The following ARHGAP10 variants were observed in gnomAD, a reference collection of about 807,000 sequenced individuals.
ARHGAP10 encodes the protein Rho GTPase activating protein 10.
ARHGAP10 carries 87 observed loss-of-function variants against 108.6 expected under a neutral mutation model. That is an observed-to-expected ratio of 0.80 (90% CI 0.67 to 0.96). ARHGAP10 has a LOEUF of 0.96. ARHGAP10 is among the 40% of genes least tolerant of loss of function. ARHGAP10 has a pLI of 0.00. For missense variants in ARHGAP10, 939 were observed against 954.5 expected (o/e 0.98, Z 0.21); for synonymous variants, 347 against 341.1 (o/e 1.02, Z -0.19).
At chr4:147,807,361 T>G (rs906027776) in intron 1 of ARHGAP10, among the ~76,000 whole-genome samples, 5 of 151,946 alleles carry the variant, frequency 3.3e-5, no homozygotes, top group Admixed American at 2.0e-4. Flanking sequence ...TATTAGGTAA[T>G]AAAAAGTATG....
intron 3 of ARHGAP10, among the ~76,000 whole-genome samples, chr4:147,844,213 A>G (rs1733538564): frequency 6.6e-6 from 1 of 152,136 alleles, no homozygotes. Flanking sequence ...ATTTGTGAGT[A>G]CATAATAGGT....
In ARHGAP10 at chr4:147,906,739, G is replaced by A. The variant is rs1044272220; in HGVS notation, c.1116+20G>A. 7 of 1,613,414 alleles carry A rather than the reference G, an allele frequency of 4.3e-6. No homozygotes were observed. The highest frequency in any genetic ancestry group is 1.7e-5 in the Admixed American group (1 of 60,014). On this transcript the variant is annotated intron_variant, in intron 11 of 22. Coordinates refer to ENST00000336498, the MANE Select transcript of ARHGAP10 (RefSeq NM_024605.4). Reference sequence around the variant, plus strand: ...GAAGCTGTAAGAATAATCAATGGTTGAGTTTTATTTCAAAGCCTTTAGAGT... The same window carrying A: ...GAAGCTGTAAGAATAATCAATGGTTAAGTTTTATTTCAAAGCCTTTAGAGT...
At chr4:147,742,476 C>T (rs1349129751) in intron 1 of ARHGAP10, among the ~76,000 whole-genome samples, 3 of 86,524 alleles carry the variant, frequency 3.5e-5, no homozygotes, top group South Asian at 4.7e-4. Flanking sequence ...TCTGTGAACA[C>T]TTTTTTTTTT....
At chr4:147,986,280 A>G (rs1042340601) in intron 18 of ARHGAP10, among the ~76,000 whole-genome samples, 4 of 152,178 alleles carry the variant, frequency 2.6e-5, no homozygotes, top group African/African-American at 9.7e-5. Flanking sequence ...AATGAGACAC[A>G]TGAAGCTCAT....
At chr4:147,896,531 A>C (rs975700947) in intron 10 of ARHGAP10, among the ~76,000 whole-genome samples, 12 of 152,220 alleles carry the variant, frequency 7.9e-5, no homozygotes, top group Admixed American at 7.2e-4. Context: ...ATGGTAACTT[A>C]TGCTTGGTAG....
At chr4:148,067,894 T>G (rs1226313570) in intron 22 of ARHGAP10, among the ~76,000 whole-genome samples, 1 of 152,164 alleles carries the variant, frequency 6.6e-6, no homozygotes, top group Admixed American at 6.5e-5. Flanking sequence ...GGACTTAAGT[T>G]ATGAGTTCCA....
At chr4:147,991,776 T>C (rs550595361) in intron 18 of ARHGAP10, among the ~76,000 whole-genome samples, 1 of 152,354 alleles carries the variant, frequency 6.6e-6, no homozygotes, top group South Asian at 2.1e-4. Flanking sequence ...CTAAGGATAG[T>C]AGGCTCAGGC....
At chr4:147,978,064 A>G (rs780245098) in intron 18 of ARHGAP10, among the ~76,000 whole-genome samples, 9 of 152,182 alleles carry the variant, frequency 5.9e-5, no homozygotes, top group Non-Finnish European at 1.2e-4. Flanking sequence ...CCACTCCACT[A>G]TTGATGGGCA....
intron 13 of ARHGAP10, among the ~76,000 whole-genome samples, chr4:147,915,820 A>G (rs2126925473): frequency 6.6e-6 from 1 of 152,314 alleles, no homozygotes; most frequent in South Asian, 2.1e-4. Flanking sequence ...AATGATGAGG[A>G]CAGCTGGGGG....
intron 3 of ARHGAP10, among the ~76,000 whole-genome samples, chr4:147,836,612 A>T (rs558070369): frequency 3.6e-4 from 54 of 150,806 alleles, no homozygotes; most frequent in South Asian, 6.4e-4. Context: ...GCACCTGAGC[A>T]CCTGTGTCCC....
chr4:147,860,937 T>C (rs1734287952), intron 5 of ARHGAP10: 1 of 152,258 alleles, frequency 6.6e-6, no homozygotes, highest in Admixed American at 6.5e-5. Context: ...AACTTGGACG[T>C]CCATGGCATT....
chr4:147,767,129 G>A (rs1256192450), intron 1 of ARHGAP10, among the ~76,000 whole-genome samples: 7 of 151,984 alleles, frequency 4.6e-5, no homozygotes, highest in Non-Finnish European at 8.8e-5. Context: ...GGGATTACAG[G>A]TGTGAGCCAC....
intron 1 of ARHGAP10, among the ~76,000 whole-genome samples, chr4:147,808,325 A>ATT (rs771761204): frequency 1.4e-5 from 2 of 142,962 alleles, no homozygotes; most frequent in African/African-American, 5.1e-5. Context: ...AAACTTTGGC[A>ATT]TTTTTTTTTT....
intron 18 of ARHGAP10, among the ~76,000 whole-genome samples, chr4:147,991,593 A>G (rs1448982371): frequency 6.6e-6 from 1 of 152,220 alleles, no homozygotes; most frequent in Non-Finnish European, 1.5e-5. Flanking sequence ...AGGCTCCCAG[A>G]AGGCGAGGAG....
At chr4:147,902,593 T>C (rs961263054) in intron 10 of ARHGAP10, among the ~76,000 whole-genome samples, 5 of 151,974 alleles carry the variant, frequency 3.3e-5, no homozygotes, top group East Asian at 3.9e-4. Flanking sequence ...ATAGAAAAAT[T>C]AGCTGGGTGT....
chr4:147,856,965 G>A (rs762128142), intron 4 of ARHGAP10, among the ~76,000 whole-genome samples: 4 of 152,158 alleles, frequency 2.6e-5, no homozygotes, highest in Non-Finnish European at 4.4e-5. Context: ...TGATTCTCAC[G>A]CCTCAGCCTC....
At chr4:148,047,507 GAGACT>G (rs1728941847) in intron 20 of ARHGAP10, among the ~76,000 whole-genome samples, 3 of 152,362 alleles carry the variant, frequency 2.0e-5, no homozygotes, top group African/African-American at 7.2e-5. Context: ...CTGCAGAGTT[GAGACT>G]TGATGGTTGA....
chr4:147,886,333 AG>A (rs1316604733), intron 10 of ARHGAP10, among the ~76,000 whole-genome samples: 1 of 152,134 alleles, frequency 6.6e-6, no homozygotes, highest in African/African-American at 2.4e-5. Context: ...CCTCTCCTTC[AG>A]TGACCTTGTT....
chr4:147,756,460 G>A (rs10519914), intron 1 of ARHGAP10, among the ~76,000 whole-genome samples: 18,596 of 152,202 alleles, frequency 0.12, 3,444 homozygotes, highest in African/African-American at 0.4. Flanking sequence ...AGCACTGTTA[G>A]TATGAACTAT....
Sources: allele counts gnomAD v4.1 joint callset (sites outside exome capture counted in the v4.1 genomes callset), GRCh38; gene constraint gnomAD v4.1.1; transcripts MANE v1.5; gene names NCBI Gene and HGNC (gene_info 2026-07-23, HGNC 2026-07-21).